Variants in CSNK2A2IP observed in about 807,000 individuals in gnomAD.
The protein encoded by CSNK2A2IP is casein kinase II subunit alpha'-interacting protein.
At chr3:88,347,533 T>A in the CSNK2A2IP span, among the ~76,000 whole-genome samples, 66,541 of 151,858 alleles carry the variant, frequency 0.44, 15,823 homozygotes, top group South Asian at 0.62. Flanking sequence ...TGGAATGCTC[T>A]GATGATTGTT....
the CSNK2A2IP span, among the ~76,000 whole-genome samples, chr3:88,461,139 T>C: frequency 2.0e-4 from 30 of 151,456 alleles, no homozygotes; most frequent in East Asian, 3.9e-3. Flanking sequence ...CTATATATTC[T>C]GTTAATTTTC....
At chr3:88,344,193 A>T in the CSNK2A2IP span, among the ~76,000 whole-genome samples, 1 of 151,436 alleles carries the variant, frequency 6.6e-6, no homozygotes, top group Non-Finnish European at 1.5e-5. Flanking sequence ...GTAGAGGCTC[A>T]CCTTCCTTTT....
the CSNK2A2IP span, among the ~76,000 whole-genome samples, chr3:88,389,700 G>A: frequency 4.6e-5 from 7 of 152,070 alleles, no homozygotes; most frequent in African/African-American, 1.7e-4. Flanking sequence ...TGTATTGGGG[G>A]CAAAGATGGT....
the CSNK2A2IP span, among the ~76,000 whole-genome samples, chr3:88,388,684 T>A: frequency 2.0e-5 from 3 of 152,190 alleles, no homozygotes; most frequent in East Asian, 5.8e-4. Context: ...TTATTCATCC[T>A]CCCTTTGCTG....
the CSNK2A2IP span, among the ~76,000 whole-genome samples, chr3:88,354,891 A>G: frequency 6.6e-6 from 1 of 152,288 alleles, no homozygotes; most frequent in South Asian, 2.1e-4. Context: ...TGTCAAGGCT[A>G]GGAATGGAAG....
the CSNK2A2IP span, among the ~76,000 whole-genome samples, chr3:88,401,798 AAAG>A: frequency 6.6e-6 from 1 of 152,108 alleles, no homozygotes; most frequent in Non-Finnish European, 1.5e-5. Context: ...AAGAAGGAAA[AAAG>A]AAGAACACAG....
the CSNK2A2IP span, among the ~76,000 whole-genome samples, chr3:88,361,649 T>A: frequency 6.6e-6 from 1 of 152,166 alleles, no homozygotes; most frequent in African/African-American, 2.4e-5. Context: ...TATGCCTAGA[T>A]ATTTATATTT....
chr3:88,373,416 A>T, the CSNK2A2IP span, among the ~76,000 whole-genome samples: 1 of 151,588 alleles, frequency 6.6e-6, no homozygotes, highest in East Asian at 1.9e-4. Flanking sequence ...AAATTCAAGA[A>T]ATTTTGAAGT....
the CSNK2A2IP span, among the ~76,000 whole-genome samples, chr3:88,463,098 G>A: frequency 8.5e-5 from 13 of 152,272 alleles, no homozygotes; most frequent in East Asian, 2.5e-3. Context: ...TAAATTAATT[G>A]GGTAAGTTGG....
At chr3:88,390,052 C>T in the CSNK2A2IP span, among the ~76,000 whole-genome samples, 1 of 152,054 alleles carries the variant, frequency 6.6e-6, no homozygotes, top group African/African-American at 2.4e-5. Context: ...AGGCTTAGCT[C>T]TGAAGGTGGA....
the CSNK2A2IP span, among the ~76,000 whole-genome samples, chr3:88,347,179 G>A: frequency 6.6e-6 from 1 of 151,968 alleles, no homozygotes; most frequent in Non-Finnish European, 1.5e-5. Flanking sequence ...TTATGGATGA[G>A]GAAAGAAAGT....
chr3:88,459,105 A>G, the CSNK2A2IP span, among the ~76,000 whole-genome samples: 2 of 151,942 alleles, frequency 1.3e-5, no homozygotes, highest in African/African-American at 4.8e-5. Context: ...TTTATTAGGA[A>G]TATGTCTTGA....
the CSNK2A2IP span, among the ~76,000 whole-genome samples, chr3:88,450,132 G>T: frequency 6.6e-6 from 1 of 151,784 alleles, no homozygotes; most frequent in Non-Finnish European, 1.5e-5. Context: ...GCCTCCCAAA[G>T]TGCTGGGATT....
chr3:88,434,714 G>A, the CSNK2A2IP span, among the ~76,000 whole-genome samples: 122 of 152,156 alleles, frequency 8.0e-4, 1 homozygote, highest in African/African-American at 2.9e-3. Context: ...TTATTTCAAG[G>A]TAGAGTCAGG....
chr3:88,384,916 C>T, the CSNK2A2IP span, among the ~76,000 whole-genome samples: 4 of 152,088 alleles, frequency 2.6e-5, no homozygotes, highest in Non-Finnish European at 2.9e-5. Context: ...TCTGAGATGA[C>T]AAAGATTGGG....
chr3:88,368,329 T>C, the CSNK2A2IP span, among the ~76,000 whole-genome samples: 1 of 151,992 alleles, frequency 6.6e-6, no homozygotes, highest in Non-Finnish European at 1.5e-5. Flanking sequence ...ATTGAAGTTA[T>C]ATAATATCAC....
At chr3:88,361,655 T>C in the CSNK2A2IP span, among the ~76,000 whole-genome samples, 2 of 152,186 alleles carry the variant, frequency 1.3e-5, no homozygotes, top group Admixed American at 1.3e-4. Flanking sequence ...TAGATATTTA[T>C]ATTTTTCTCT....
At chr3:88,454,214 C>T in the CSNK2A2IP span, among the ~76,000 whole-genome samples, 1 of 151,902 alleles carries the variant, frequency 6.6e-6, no homozygotes, top group Non-Finnish European at 1.5e-5. Flanking sequence ...GTACTTACAT[C>T]CCATTCCAAA....
At chr3:88,452,646 A>C in the CSNK2A2IP span, among the ~76,000 whole-genome samples, 1 of 152,182 alleles carries the variant, frequency 6.6e-6, no homozygotes, top group Non-Finnish European at 1.5e-5. Context: ...AATTTACTCA[A>C]ATCCCTTATT....
Sources: gnomAD v4.1 joint callset for allele counts (sites outside exome capture counted in the v4.1 genomes callset) on GRCh38, gnomAD v4.1.1 for gene constraint, MANE v1.5 for transcripts, NCBI Gene and HGNC (gene_info 2026-07-23, HGNC 2026-07-21) for gene names.